The following DLGAP2 variants were observed in gnomAD, a reference collection of about 807,000 sequenced individuals.
DLGAP2 encodes the protein DLG associated protein 2.
A neutral mutation model predicts 100.3 loss-of-function variants in DLGAP2; 26 were observed. The observed-to-expected ratio is 0.26, with a 90% CI of 0.19 to 0.36. The LOEUF is 0.36. DLGAP2 is among the 10% of genes least tolerant of loss of function. The pLI, the probability that DLGAP2 is intolerant of heterozygous loss-of-function variation, is 1.00. For synonymous variants in DLGAP2, 886 were observed against 630.1 expected, an observed-to-expected ratio of 1.41 and a Z score of -6.08; for missense variants, 1,858 against 1,453.2, an observed-to-expected ratio of 1.28 and a Z score of -4.53.
At chr8:1,337,055 T>C (rs1036905017) in intron 3 of DLGAP2, among the ~76,000 whole-genome samples, 1 of 152,096 alleles carries the variant, frequency 6.6e-6, no homozygotes, top group Non-Finnish European at 1.5e-5. Context: ...TAACCAGTAA[T>C]GACAGTGTGT....
intron 6 of DLGAP2, among the ~76,000 whole-genome samples, chr8:1,587,857 A>G (rs913936531): frequency 6.6e-6 from 1 of 152,170 alleles, no homozygotes; most frequent in South Asian, 2.1e-4. Context: ...TTCTAATTAT[A>G]TGAAGTCTTA....
chr8:1,099,381 A>G (rs1804504902), intron 2 of DLGAP2, among the ~76,000 whole-genome samples: 1 of 152,164 alleles, frequency 6.6e-6, no homozygotes, highest in South Asian at 2.1e-4. Flanking sequence ...TCCTGCAGCC[A>G]TTTATCTTTG....
Position 840,745 on chromosome 8 carries a change from G to C in DLGAP2, c.19-67167G>C, listed in dbSNP as rs551865687. On this transcript the variant is annotated intron_variant, in intron 1 of 14. Transcript: ENST00000637795. ...GCATTTACACGGTGCACGCCTGCAC[G>C]TTTCCCCACACTCTGGATTCTGCGA... is the stretch of plus-strand genomic sequence containing the variant. Among the ~76,000 whole-genome samples the C allele has an allele frequency of 1.3e-4, 19 of 141,740 alleles. No individual in the cohort carries two copies. In the East Asian group the frequency reaches 4.0e-3, roughly 30 times the overall value. 93.0% of individuals were successfully genotyped at this position (141,740 alleles called of 152,430 possible).
intron 2 of DLGAP2, among the ~76,000 whole-genome samples, chr8:1,188,864 TAAA>T (rs1797573178): frequency 6.6e-6 from 1 of 152,200 alleles, no homozygotes; most frequent in South Asian, 2.1e-4. Context: ...TCCAAAAAGT[TAAA>T]AAAGCACCTC....
intron 1 of DLGAP2, among the ~76,000 whole-genome samples, chr8:842,063 C>T (rs1306426279): frequency 6.6e-6 from 1 of 152,114 alleles, no homozygotes; most frequent in African/African-American, 2.4e-5. Context: ...TTTTTAATGC[C>T]ATAATATATT....
intron 6 of DLGAP2, among the ~76,000 whole-genome samples, chr8:1,594,322 T>G (rs931344406): frequency 6.6e-6 from 1 of 152,046 alleles, no homozygotes; most frequent in African/African-American, 2.4e-5. Context: ...ACAAGGGATA[T>G]GAAGATGCCC....
Position 1,668,631 on chromosome 8 carries a change from A to G in DLGAP2, c.2113A>G (p.Lys705Glu). ...CAGCGACAAGGCCATCCTGGTGTCC[A>G]AGGCGGAGGAGCTCCTCAAGAGCCG... ...RTSDKAILVS[K>E]AEELLKSRCS... The change falls in exon 9 of 15, where the codon AAG becomes GAG. Residue 705 changes from lysine to glutamate, a missense_variant. Coordinates refer to ENST00000637795, the MANE Select transcript of DLGAP2 (RefSeq NM_001346810.2). The G allele has an allele frequency of 6.3e-7, 1 of 1,595,160 alleles. No individual in the cohort carries two copies. The highest frequency in any genetic ancestry group is 8.5e-7 in the Non-Finnish European group (1 of 1,171,320).
intron 2 of DLGAP2, chr8:1,002,448 A>T (rs1438384394): frequency 6.6e-6 from 1 of 152,266 alleles, no homozygotes; most frequent in Non-Finnish European, 1.5e-5. Context: ...AGGTTTTAAT[A>T]GGGAAAACAT....
intron 2 of DLGAP2, among the ~76,000 whole-genome samples, chr8:985,923 TC>T (rs1692848705): frequency 6.6e-6 from 1 of 151,730 alleles, no homozygotes; most frequent in African/African-American, 2.4e-5. Context: ...TGGGCCTCCC[TC>T]CCTGAAGATG....
chr8:1,676,365 C>G (rs1585053575), intron 10 of DLGAP2, among the ~76,000 whole-genome samples, 168 bp from the exon 11 acceptor site: 1 of 152,278 alleles, frequency 6.6e-6, no homozygotes, highest in Non-Finnish European at 1.5e-5. Context: ...TGTAATTACT[C>G]CAGTGTGAAT....
chr8:1,267,635 A>AAAAAAAAAAT (rs1563052144), intron 3 of DLGAP2, among the ~76,000 whole-genome samples: 1 of 112,978 alleles, frequency 8.9e-6, no homozygotes, highest in African/African-American at 3.6e-5. Flanking sequence ...AATATTAAAT[A>AAAAAAAAAAT]GGTCTACAAA....
At chr8:1,151,413 A>T (rs1226946360) in intron 2 of DLGAP2, among the ~76,000 whole-genome samples, 1 of 152,192 alleles carries the variant, frequency 6.6e-6, no homozygotes, top group Non-Finnish European at 1.5e-5. Flanking sequence ...CAGAGAAGTC[A>T]CTGTACAGAG....
chr8:1,068,945 C>T (rs1042177645), intron 2 of DLGAP2, among the ~76,000 whole-genome samples: 3 of 152,112 alleles, frequency 2.0e-5, no homozygotes, highest in Non-Finnish European at 4.4e-5. Flanking sequence ...AGGGCAGGTT[C>T]TGGCCTGGCC....
At chr8:821,882 C>T (rs762622908) in intron 1 of DLGAP2, among the ~76,000 whole-genome samples, 4 of 152,256 alleles carry the variant, frequency 2.6e-5, no homozygotes, top group East Asian at 1.9e-4. Flanking sequence ...ACGCACACAG[C>T]GTGCCATTCC....
intron 3 of DLGAP2, among the ~76,000 whole-genome samples, chr8:1,310,402 A>C (rs1310801498): frequency 6.6e-6 from 1 of 152,190 alleles, no homozygotes; most frequent in Non-Finnish European, 1.5e-5. Flanking sequence ...TGGAGAAAGT[A>C]AGGGGTAGCT....
At chr8:1,353,508 T>C (rs1801782298) in intron 3 of DLGAP2, among the ~76,000 whole-genome samples, 1 of 152,164 alleles carries the variant, frequency 6.6e-6, no homozygotes, top group Admixed American at 6.6e-5. Context: ...TCTGAGCACG[T>C]TTAAGGTTGG....
intron 2 of DLGAP2, among the ~76,000 whole-genome samples, chr8:1,031,242 C>A (rs879919435): frequency 1.3e-5 from 2 of 152,070 alleles, no homozygotes; most frequent in Non-Finnish European, 2.9e-5. Flanking sequence ...GGAGGGCTCC[C>A]GTTTCCTTGA....
chr8:1,008,532 T>C (rs142052047), intron 2 of DLGAP2, among the ~76,000 whole-genome samples: 1 of 152,368 alleles, frequency 6.6e-6, no homozygotes, highest in East Asian at 1.9e-4. Flanking sequence ...TAATTTCCGA[T>C]GGCTGTTCCT....
At chr8:846,876 T>A (rs1797081558) in intron 1 of DLGAP2, among the ~76,000 whole-genome samples, 1 of 152,228 alleles carries the variant, frequency 6.6e-6, no homozygotes, top group Non-Finnish European at 1.5e-5. Context: ...CACATCCATG[T>A]CTGGCTTGCT....
Sources: gnomAD v4.1 joint callset for allele counts (sites outside exome capture counted in the v4.1 genomes callset) on GRCh38, gnomAD v4.1.1 for gene constraint, MANE v1.5 for transcripts, NCBI Gene and HGNC (gene_info 2026-07-23, HGNC 2026-07-21) for gene names.